The following PRKN variants were observed in gnomAD, a reference collection of about 807,000 sequenced individuals.
The protein encoded by PRKN is parkin RBR E3 ubiquitin protein ligase.
Under a neutral mutation model 59.5 loss-of-function variants are expected in PRKN, and 56 were observed. The observed-to-expected ratio is 0.94, with a 90% CI of 0.76 to 1.18. PRKN has a LOEUF of 1.18. Ranked by LOEUF, PRKN falls within the 50% of genes most tolerant of loss-of-function variation. The pLI, the probability that PRKN is intolerant of heterozygous loss-of-function variation, is 0.00. For missense variants in PRKN, 657 were observed against 596.4 expected (o/e 1.10, Z -1.06); for synonymous variants, 250 against 222.1 (o/e 1.13, Z -1.12).
At position 161,396,514 on chromosome 6, in the gene PRKN, TAGTGGGCCCATTCAA is replaced by T. The variant is rs1376424191; in HGVS notation, c.1084-9652_1084-9638del. On this transcript the variant is annotated intron_variant, in intron 9 of 11. Coordinates refer to ENST00000366898, the MANE Select transcript of PRKN (RefSeq NM_004562.3). This position sits in a 1 kb window ranked among gnomAD's most constrained non-coding sequence, Gnocchi z 5.4. Reference sequence around the variant, plus strand: ...GCCACTTTCAAACATCGCCATTCATTAGTGGGCCCATTCAAATATTGCCATTAATTAGTGAACATG... The same window carrying T: ...GCCACTTTCAAACATCGCCATTCATTATATTGCCATTAATTAGTGAACATG... 1.3e-5 allele frequency among the ~76,000 whole-genome samples: 2 copies of T among 152,196 alleles called. No individual in the cohort carries two copies. Among genetic ancestry groups the T allele is most frequent in the Non-Finnish European group, 2.9e-5 (2 of 68,044 alleles).
chr6:161,962,062 G>T (rs2128248741), intron 6 of PRKN, among the ~76,000 whole-genome samples: 1 of 152,182 alleles, frequency 6.6e-6, no homozygotes, highest in East Asian at 1.9e-4. Flanking sequence ...GGCCCTTGCT[G>T]CGATAAATGA....
chr6:162,221,909 TATAGA>T (rs1777950386), intron 3 of PRKN, among the ~76,000 whole-genome samples: 2 of 152,230 alleles, frequency 1.3e-5, no homozygotes, highest in South Asian at 4.1e-4. Context: ...ACATTAAAGG[TATAGA>T]GAATTCAGAC....
intron 2 of PRKN, among the ~76,000 whole-genome samples, chr6:162,294,636 C>A (rs1177705534): frequency 6.6e-6 from 1 of 152,076 alleles, no homozygotes; most frequent in East Asian, 1.9e-4. Context: ...GAAATACAAC[C>A]TTTTGTTCTG....
intron 4 of PRKN, among the ~76,000 whole-genome samples, chr6:162,180,471 C>T (rs1783755463): frequency 6.6e-6 from 1 of 152,076 alleles, no homozygotes; most frequent in South Asian, 2.1e-4. Flanking sequence ...CATCAGGTCT[C>T]GAATATACTA....
Position 162,216,506 on chromosome 6 carries a change from C to T in PRKN, c.413-15254G>A, listed in dbSNP as rs377395390. ...GATTGCGCCACTGCAGTCCGCAGTCCGGCCTGGGCGACAGAGCGAGACTCC... is the reference window on the plus strand; with the variant it reads ...GATTGCGCCACTGCAGTCCGCAGTCTGGCCTGGGCGACAGAGCGAGACTCC... On this transcript the variant is annotated intron_variant, in intron 3 of 11. Coordinates refer to ENST00000366898, the MANE Select transcript of PRKN (RefSeq NM_004562.3). Among the ~76,000 whole-genome samples, 6 of 129,770 alleles carry T rather than the reference C, an allele frequency of 4.6e-5. No individual in the cohort carries two copies. In the South Asian group the frequency reaches 1.1e-3, roughly 23 times the overall value. The allele number at this position is 129,770 out of a possible 152,430, so 85.1% of individuals were successfully genotyped here. A position where few individuals can be genotyped will look rare whatever the true frequency, so the allele number is the denominator to read the frequency against.
At chr6:162,614,105 C>CA (rs751957318) in intron 1 of PRKN, among the ~76,000 whole-genome samples, 4 of 152,140 alleles carry the variant, frequency 2.6e-5, no homozygotes, top group Non-Finnish European at 5.9e-5. Context: ...TTGTAGGAGT[C>CA]AAATGATTCT....
intron 6 of PRKN, among the ~76,000 whole-genome samples, chr6:161,834,484 C>A (rs1176818271): frequency 6.6e-6 from 1 of 152,150 alleles, no homozygotes; most frequent in African/African-American, 2.4e-5. Context: ...AGTTCTTATC[C>A]ATAACTTGTT....
rs568022427 is a variant in PRKN, at chr6:161,732,776, C to T, written c.871+52996G>A. Among the ~76,000 whole-genome samples, 28 of 152,222 alleles carry T rather than the reference C, an allele frequency of 1.8e-4. No homozygotes were observed. The South Asian group carries it at 5.8e-3, about 32-fold the overall frequency. On this transcript the variant is annotated intron_variant, in intron 7 of 11. Coordinates refer to ENST00000366898, the MANE Select transcript of PRKN (RefSeq NM_004562.3). ...TTAAAGATGTCAGAGTTTTATGGGGCTATTTGAGCTTCAGTTAGCATCCAG... is the reference window on the plus strand; with the variant it reads ...TTAAAGATGTCAGAGTTTTATGGGGTTATTTGAGCTTCAGTTAGCATCCAG...
At chr6:162,511,860 GATTTT>G (rs1330467367) in intron 1 of PRKN, among the ~76,000 whole-genome samples, 1 of 152,084 alleles carries the variant, frequency 6.6e-6, no homozygotes, top group Middle Eastern at 3.2e-3. Flanking sequence ...CACATAAAGA[GATTTT>G]AATTTTTAAT....
intron 4 of PRKN, among the ~76,000 whole-genome samples, chr6:162,100,266 G>A (rs1470724242): frequency 6.6e-6 from 1 of 152,104 alleles, no homozygotes; most frequent in African/African-American, 2.4e-5. Context: ...TTGACATGCT[G>A]GTTTGTTTCC....
intron 7 of PRKN, among the ~76,000 whole-genome samples, chr6:161,571,449 G>T (rs947385687): frequency 3.3e-5 from 5 of 152,164 alleles, no homozygotes; most frequent in African/African-American, 1.2e-4. Context: ...GTGTTTGTCT[G>T]GGGGAGGGCA....
intron 9 of PRKN, among the ~76,000 whole-genome samples, chr6:161,486,665 G>T (rs1251861543): frequency 6.6e-6 from 1 of 152,134 alleles, no homozygotes; most frequent in Non-Finnish European, 1.5e-5. Flanking sequence ...CAAAACCTTA[G>T]GGATGCTATT....
rs182424469 is a variant in PRKN, at chr6:161,787,183, A to G, written c.735-1275T>C. ...TAGAGAAATGAATAATACTAATAAT[A>G]TAAAAGATAATTTCTTAACACCTAA... On this transcript the variant is annotated intron_variant, in intron 6 of 11. Transcript: ENST00000366898. Among the ~76,000 whole-genome samples, 1,014 of 152,330 alleles carry G rather than the reference A, an allele frequency of 6.7e-3. 5 individuals carry two copies. The highest frequency in any genetic ancestry group is 0.012 in the Non-Finnish European group (805 of 68,016).
chr6:162,010,556 TATATA>T lies in PRKN; in HGVS notation c.619-37144_619-37140del, dbSNP rs1409771317. 1.9e-4 allele frequency among the ~76,000 whole-genome samples: 3 copies of T among 15,478 alleles called. 1 individual carries two copies. Among genetic ancestry groups the T allele is most frequent in the African/African-American group, 1.4e-3 (2 of 1,430 alleles). The allele number at this position is 15,478 out of a possible 152,430, so 10.2% of individuals were successfully genotyped here. On this transcript the variant is annotated intron_variant, in intron 5 of 11. Coordinates refer to ENST00000366898, the MANE Select transcript of PRKN (RefSeq NM_004562.3). ...TTATATAATGTATTATATTATATAT[TATATA>T]ATATATTATATAATGTATTATATTA... is the stretch of plus-strand genomic sequence containing the variant.
intron 1 of PRKN, among the ~76,000 whole-genome samples, chr6:162,626,140 A>G (rs1782879922): frequency 1.3e-5 from 2 of 152,192 alleles, no homozygotes; most frequent in Admixed American, 6.5e-5. Context: ...AAGTGCAATC[A>G]TTGATTAGTG....
chr6:162,075,779 G>T (rs113720437), intron 4 of PRKN, among the ~76,000 whole-genome samples: 1 of 151,978 alleles, frequency 6.6e-6, no homozygotes, highest in East Asian at 1.9e-4. Flanking sequence ...AGGCCCCCCA[G>T]TGAAACATTA....
At chr6:161,730,293 C>T (rs1787633476) in intron 7 of PRKN, among the ~76,000 whole-genome samples, 1 of 149,980 alleles carries the variant, frequency 6.7e-6, no homozygotes, top group South Asian at 2.1e-4. Flanking sequence ...AGATATGTTG[C>T]ATTCTGATGT....
At chr6:161,450,564 CT>C (rs59477963) in intron 9 of PRKN, among the ~76,000 whole-genome samples, 7 of 149,866 alleles carry the variant, frequency 4.7e-5, no homozygotes, top group Admixed American at 6.7e-5. Context: ...CTTTTTCTTC[CT>C]TTTTTTTTTG....
chr6:161,910,250 TTTTG>T (rs1006091158), intron 6 of PRKN, among the ~76,000 whole-genome samples: 20 of 152,188 alleles, frequency 1.3e-4, no homozygotes, highest in African/African-American at 4.1e-4. Context: ...ACAGAGGATT[TTTTG>T]TTTGTTTGTT....
Sources: gnomAD v4.1 joint callset for allele counts (sites outside exome capture counted in the v4.1 genomes callset) on GRCh38, gnomAD v4.1.1 for gene constraint, Gnocchi (gnomAD v3.1) non-coding constraint, MANE v1.5 for transcripts, NCBI Gene and HGNC (gene_info 2026-07-23, HGNC 2026-07-21) for gene names.